The following ZMIZ1 variants were observed in gnomAD, a reference collection of about 807,000 sequenced individuals.
ZMIZ1 encodes the protein zinc finger MIZ domain-containing protein 1.
A neutral mutation model predicts 113.9 loss-of-function variants in ZMIZ1; 17 were observed. That is an observed-to-expected ratio of 0.15 (90% CI 0.10 to 0.22). ZMIZ1 has a LOEUF of 0.22. ZMIZ1 is among the 10% of genes least tolerant of loss of function. The pLI is 1.00. For missense variants in ZMIZ1, 1,059 were observed against 1,477.8 expected (o/e 0.72, Z 4.65); for synonymous variants, 607 against 603.1 (o/e 1.01, Z -0.09).
At chr10:79,136,433 G>T (rs1048540538) in intron 2 of ZMIZ1, among the ~76,000 whole-genome samples, 1 of 152,214 alleles carries the variant, frequency 6.6e-6, no homozygotes, top group African/African-American at 2.4e-5. Context: ...GAGATCTTGG[G>T]GTGTGCTGGG....
chr10:79,308,857 C>T (rs551415517), intron 23 of ZMIZ1, among the ~76,000 whole-genome samples: 3 of 152,092 alleles, frequency 2.0e-5, no homozygotes, highest in Admixed American at 6.5e-5. Flanking sequence ...GTGCTGATGC[C>T]GTCTATTTCC....
At chr10:79,153,828 A>G (rs1381480206) in intron 3 of ZMIZ1, among the ~76,000 whole-genome samples, 1 of 152,258 alleles carries the variant, frequency 6.6e-6, no homozygotes, top group Non-Finnish European at 1.5e-5. Context: ...TAGCAAGAAC[A>G]GGACTTTCCT....
intron 7 of ZMIZ1, among the ~76,000 whole-genome samples, chr10:79,259,520 C>T (rs1431702901): frequency 2.0e-5 from 3 of 152,180 alleles, no homozygotes; most frequent in Non-Finnish European, 4.4e-5. Flanking sequence ...GGACATTCTT[C>T]CATAGGAAAA....
At position 79,208,272 on chromosome 10, in the gene ZMIZ1, C is replaced by T. The variant is rs558978671; in HGVS notation, c.61-64C>T. On this transcript the variant is annotated intron_variant, in intron 5 of 24. Transcript: ENST00000334512. ...GCTGGGTTCTTCCCACCCCAGACCC[C>T]CACACGCTGCCTGTGCTACCCTCAC... 4.1e-6 allele frequency: 6 copies of T among 1,463,964 alleles called. No individual in the cohort carries two copies. In the African/African-American group the frequency reaches 5.6e-5, roughly 14 times the overall value. The allele number at this position is 1,463,964 out of a possible 1,614,324, so 90.7% of individuals were successfully genotyped here. A position where few individuals can be genotyped will look rare whatever the true frequency, so the allele number is the denominator to read the frequency against.
At chr10:79,267,362 A>C (rs556307895) in intron 7 of ZMIZ1, among the ~76,000 whole-genome samples, 1 of 152,360 alleles carries the variant, frequency 6.6e-6, no homozygotes, top group African/African-American at 2.4e-5. Context: ...AATTTTCTAC[A>C]GTACTTAGGT....
chr10:79,244,902 T>C (rs1190514976), intron 7 of ZMIZ1, among the ~76,000 whole-genome samples: 1 of 152,078 alleles, frequency 6.6e-6, no homozygotes, highest in African/African-American at 2.4e-5. Context: ...TCCCATCTGC[T>C]ATGGAGGAAA....
At chr10:79,194,325 A>T (rs1847742136) in intron 4 of ZMIZ1, among the ~76,000 whole-genome samples, 1 of 152,272 alleles carries the variant, frequency 6.6e-6, no homozygotes, top group Non-Finnish European at 1.5e-5. Flanking sequence ...GCCTATGCAC[A>T]CGTGTGCTGT....
intron 10 of ZMIZ1, 58 bp downstream of exon 10, chr10:79,291,234 G>T: frequency 2.7e-6 from 4 of 1,505,144 alleles, no homozygotes; most frequent in Non-Finnish European, 3.6e-6. Context: ...CCTCCTTCCA[G>T]TGGGGAGGGA....
chr10:79,201,805 C>T, intron 5 of ZMIZ1, 113 bp downstream of exon 5: 1 of 1,137,912 alleles, frequency 8.8e-7, no homozygotes, highest in South Asian at 1.3e-5. Context: ...TGACCACCTA[C>T]CTATCGAGGC....
rs950227021 is a variant in ZMIZ1 at position 79,296,055 on chromosome 10, G to T, written c.1231-416G>T. Reference sequence around the variant, plus strand: ...AGCCTTGGAATGCAGGGGCACAGGGGGCTCCTTTCTGGAATTGCATCCTGT... The same window carrying T: ...AGCCTTGGAATGCAGGGGCACAGGGTGCTCCTTTCTGGAATTGCATCCTGT... On this transcript the variant is annotated intron_variant, in intron 12 of 24. Coordinates refer to ENST00000334512, the MANE Select transcript of ZMIZ1 (RefSeq NM_020338.4). This position sits in a 1 kb window ranked among gnomAD's most constrained non-coding sequence, Gnocchi z 4.1. 3 of 214,254 alleles carry T rather than the reference G, an allele frequency of 1.4e-5. No individual in the cohort carries two copies. Among genetic ancestry groups the T allele is most frequent in the South Asian group, 1.2e-4 (2 of 16,288 alleles). The allele number at this position is 214,254 out of a possible 1,614,324, so 13.3% of individuals were successfully genotyped here. A position where few individuals can be genotyped will look rare whatever the true frequency, so the allele number is the denominator to read the frequency against.
chr10:79,197,341 G>A (rs1004786000), intron 4 of ZMIZ1, among the ~76,000 whole-genome samples: 1 of 152,178 alleles, frequency 6.6e-6, no homozygotes, highest in Non-Finnish European at 1.5e-5. Flanking sequence ...GGGTCCTTTG[G>A]CTCTGATGGG....
chr10:79,084,161 C>CA (rs1210574950), intron 1 of ZMIZ1, among the ~76,000 whole-genome samples: 7 of 152,228 alleles, frequency 4.6e-5, no homozygotes, highest in Non-Finnish European at 8.8e-5. Context: ...AACTCCTACC[C>CA]ATCCTTAAGA....
At chr10:79,266,548 T>A (rs191112341) in intron 7 of ZMIZ1, among the ~76,000 whole-genome samples, 2 of 151,928 alleles carry the variant, frequency 1.3e-5, no homozygotes, top group Admixed American at 6.6e-5. Flanking sequence ...GCAGGGTGAG[T>A]CGGGCCAGAA....
At chr10:79,196,722 G>T (rs1249899918) in intron 4 of ZMIZ1, among the ~76,000 whole-genome samples, 1 of 152,252 alleles carries the variant, frequency 6.6e-6, no homozygotes, top group Non-Finnish European at 1.5e-5. Flanking sequence ...CTAAGCTCCT[G>T]TGCCTGCTTG....
chr10:79,221,749 T>C (rs1848982413), intron 7 of ZMIZ1, among the ~76,000 whole-genome samples: 1 of 152,236 alleles, frequency 6.6e-6, no homozygotes, highest in Non-Finnish European at 1.5e-5. Context: ...AGCTGACCCG[T>C]GAGCAGCCAG....
intron 1 of ZMIZ1, among the ~76,000 whole-genome samples, chr10:79,106,844 A>G (rs1843577863): frequency 6.6e-6 from 1 of 152,214 alleles, no homozygotes; most frequent in African/African-American, 2.4e-5. Flanking sequence ...ACCTCACTAC[A>G]GGCATCGTGC....
intron 23 of ZMIZ1, among the ~76,000 whole-genome samples, chr10:79,308,400 T>A (rs1285250647): frequency 6.6e-6 from 1 of 152,116 alleles, no homozygotes; most frequent in Admixed American, 6.5e-5. Flanking sequence ...GTGTCTGAGG[T>A]CTCAGTCATT....
intron 7 of ZMIZ1, among the ~76,000 whole-genome samples, chr10:79,241,738 A>G (rs1849841396): frequency 6.6e-6 from 1 of 152,114 alleles, no homozygotes; most frequent in South Asian, 2.1e-4. Flanking sequence ...TTATTTCTAG[A>G]TAAGTGATTT....
intron 1 of ZMIZ1, among the ~76,000 whole-genome samples, chr10:79,074,202 A>G (rs889880550): frequency 6.6e-6 from 1 of 152,232 alleles, no homozygotes; most frequent in Non-Finnish European, 1.5e-5. Context: ...AACTGGTGGC[A>G]AAGTTAGGAC....
Sources: gnomAD v4.1 joint callset for allele counts (sites outside exome capture counted in the v4.1 genomes callset) on GRCh38, gnomAD v4.1.1 for gene constraint, Gnocchi (gnomAD v3.1) non-coding constraint, MANE v1.5 for transcripts, NCBI Gene and HGNC (gene_info 2026-07-23, HGNC 2026-07-21) for gene names.